The following DENND4C variants were observed in gnomAD, a reference collection of about 807,000 sequenced individuals.
DENND4C encodes the protein DENN domain-containing protein 4C.
A neutral mutation model predicts 203.0 loss-of-function variants in DENND4C; 108 were observed. That is an observed-to-expected ratio of 0.53 (90% CI 0.46 to 0.62). The LOEUF (loss-of-function observed/expected upper bound fraction) is 0.62. Ranked by LOEUF, DENND4C falls within the 20% of genes least tolerant of loss-of-function variation. The pLI is 0.00. For synonymous variants in DENND4C, 871 were observed against 792.4 expected, an observed-to-expected ratio of 1.10 and a Z score of -1.67; for missense variants, 2,481 against 2,301.2, an observed-to-expected ratio of 1.08 and a Z score of -1.60.
intron 10 of DENND4C, among the ~76,000 whole-genome samples, chr9:19,307,109 A>G (rs893840789): frequency 2.0e-5 from 3 of 152,102 alleles, no homozygotes; most frequent in Admixed American, 1.3e-4. Context: ...AAAGAATTAT[A>G]AAATGTGCCC....
At chr9:19,333,444 G>C (rs117930504) in intron 17 of DENND4C, among the ~76,000 whole-genome samples, 1 of 152,088 alleles carries the variant, frequency 6.6e-6, no homozygotes, top group African/African-American at 2.4e-5. Context: ...CATTGTGTAG[G>C]ATGTTTAGTA....
intron 2 of DENND4C, among the ~76,000 whole-genome samples, chr9:19,286,433 G>A (rs1835229980): frequency 6.6e-6 from 1 of 152,058 alleles, no homozygotes; most frequent in Non-Finnish European, 1.5e-5. Context: ...AAACTTCTAG[G>A]AATTGACCTG....
intron 1 of DENND4C, among the ~76,000 whole-genome samples, chr9:19,231,107 G>C (rs2131288327): frequency 6.6e-6 from 1 of 152,328 alleles, no homozygotes; most frequent in East Asian, 1.9e-4. Flanking sequence ...CGCGTCGCCC[G>C]CCGGGCCCAT....
intron 31 of DENND4C, among the ~76,000 whole-genome samples, chr9:19,370,313 CAG>C (rs1447732602): frequency 3.3e-5 from 5 of 152,100 alleles, no homozygotes; most frequent in East Asian, 3.9e-4. Flanking sequence ...AATAATTTGT[CAG>C]GGGTGGTATG....
At chr9:19,270,918 G>C (rs1831514866) in intron 1 of DENND4C, among the ~76,000 whole-genome samples, 1 of 152,136 alleles carries the variant, frequency 6.6e-6, no homozygotes, top group Non-Finnish European at 1.5e-5. Context: ...AAAATCAATT[G>C]TATTTCTATA....
At chr9:19,312,372 G>T (rs1020153240) in intron 10 of DENND4C, among the ~76,000 whole-genome samples, 2 of 152,068 alleles carry the variant, frequency 1.3e-5, no homozygotes, top group African/African-American at 4.8e-5. Context: ...CAAAGTGCTG[G>T]GATTAAAGGT....
intron 9 of DENND4C, among the ~76,000 whole-genome samples, chr9:19,303,149 A>T (rs1264059115): frequency 6.6e-6 from 1 of 152,186 alleles, no homozygotes; most frequent in East Asian, 1.9e-4. Flanking sequence ...TCCCTAATCT[A>T]AAAATCTGAA....
chr9:19,363,521 C>G (rs1826957090), intron 30 of DENND4C, among the ~76,000 whole-genome samples: 1 of 151,014 alleles, frequency 6.6e-6, no homozygotes, highest in African/African-American at 2.4e-5. Flanking sequence ...ATTAAAAAAA[C>G]ATTAGTGCCC....
chr9:19,328,276 G>T, intron 16 of DENND4C, 114 bp downstream of exon 16: 1 of 1,083,360 alleles, frequency 9.2e-7, no homozygotes, highest in East Asian at 2.7e-5. Context: ...GACTCACTTT[G>T]GTTGTTATTG....
intron 5 of DENND4C, chr9:19,292,630 C>G (rs1275062801): frequency 6.6e-6 from 1 of 151,356 alleles, no homozygotes; most frequent in African/African-American, 2.4e-5. Flanking sequence ...ACTGCAACCT[C>G]CGCCTCCCGG....
chr9:19,313,240 T>C (rs1338530865), intron 10 of DENND4C, among the ~76,000 whole-genome samples: 2 of 152,212 alleles, frequency 1.3e-5, no homozygotes, highest in African/African-American at 4.8e-5. Flanking sequence ...TAAAGTAGAC[T>C]TTAAAATACT....
chr9:19,312,031 ATAC>A (rs1179952539), intron 10 of DENND4C, among the ~76,000 whole-genome samples: 1 of 152,222 alleles, frequency 6.6e-6, no homozygotes, highest in East Asian at 1.9e-4. Flanking sequence ...CTACAGTGGA[ATAC>A]TACTGTAGCG....
chr9:19,338,215 C>T (rs1343261735), intron 20 of DENND4C, among the ~76,000 whole-genome samples: 1 of 151,942 alleles, frequency 6.6e-6, no homozygotes, highest in Admixed American at 6.6e-5. Context: ...TTTATTTCCT[C>T]TAGTATTTTT....
Position 19,263,718 on chromosome 9 carries a change from G to C in DENND4C, c.-17-12440G>C, listed in dbSNP as rs551726487. Reference sequence around the variant, plus strand: ...CACCCAGGCTGAAGTGCAATGGCACGATCTGGGCTTGCTGCAACCTCTGCC... The same window carrying C: ...CACCCAGGCTGAAGTGCAATGGCACCATCTGGGCTTGCTGCAACCTCTGCC... On this transcript the variant is annotated intron_variant, in intron 1 of 32. Transcript: ENST00000434457. Among the ~76,000 whole-genome samples the C allele has an allele frequency of 2.0e-5, 3 of 150,536 alleles. No individual in the cohort carries two copies. The Admixed American group carries it at 2.0e-4, about 10-fold the overall frequency.
At chr9:19,236,752 A>G (rs1186947580) in intron 1 of DENND4C, among the ~76,000 whole-genome samples, 7 of 152,186 alleles carry the variant, frequency 4.6e-5, no homozygotes, top group South Asian at 4.1e-4. Flanking sequence ...CCCACAGGCC[A>G]TGTCGCTTTA....
At chr9:19,331,225 A>G (rs1206332615) in intron 16 of DENND4C, among the ~76,000 whole-genome samples, 2 of 146,922 alleles carry the variant, frequency 1.4e-5, no homozygotes, top group Admixed American at 1.4e-4. Context: ...TTTTTTTGAG[A>G]TGGAGTATCG....
intron 10 of DENND4C, among the ~76,000 whole-genome samples, chr9:19,315,467 A>G (rs1409797071): frequency 6.6e-6 from 1 of 150,818 alleles, no homozygotes; most frequent in Non-Finnish European, 1.5e-5. Context: ...TGTCTGCTGT[A>G]TTTTATATTC....
intron 21 of DENND4C, among the ~76,000 whole-genome samples, 193 bp downstream of exon 21, chr9:19,341,307 C>CTTT (rs1369671422): frequency 5.3e-5 from 7 of 132,658 alleles, no homozygotes; most frequent in African/African-American, 2.0e-4. Flanking sequence ...AACTTTCTTT[C>CTTT]TTTCTTTTTT....
chr9:19,284,039 C>T (rs566704423), intron 2 of DENND4C, among the ~76,000 whole-genome samples: 35 of 152,218 alleles, frequency 2.3e-4, no homozygotes, highest in Non-Finnish European at 4.6e-4. Context: ...AGTTGATAAA[C>T]TATTATAATA....
Sources: gnomAD v4.1 joint callset for allele counts (sites outside exome capture counted in the v4.1 genomes callset) on GRCh38, gnomAD v4.1.1 for gene constraint, MANE v1.5 for transcripts, NCBI Gene and HGNC (gene_info 2026-07-23, HGNC 2026-07-21) for gene names.